Variants in SLC11A2 observed in about 807,000 individuals in gnomAD.
The protein encoded by SLC11A2 is natural resistance-associated macrophage protein 2.
In SLC11A2, 38 loss-of-function variants were observed where a neutral mutation model predicts 68.0. The observed-to-expected ratio is 0.56, with a 90% CI of 0.43 to 0.73. The LOEUF is 0.73. Among genes scored for constraint, SLC11A2 ranks in the 30% least tolerant of loss-of-function variants. The pLI, the probability that SLC11A2 is intolerant of heterozygous loss-of-function variation, is 0.00. For synonymous variants in SLC11A2, 242 were observed against 250.6 expected, an observed-to-expected ratio of 0.97 and a Z score of 0.32; for missense variants, 517 against 690.5, an observed-to-expected ratio of 0.75 and a Z score of 2.82.
At chr12:51,016,703 C>T (rs11169672) in intron 1 of SLC11A2, among the ~76,000 whole-genome samples, 21,299 of 146,068 alleles carry the variant, frequency 0.15, 1,834 homozygotes, top group South Asian at 0.28. Flanking sequence ...AAAAGTTAGC[C>T]GGGTGTGGTG....
At position 50,988,281 on chromosome 12, in the gene SLC11A2, C is replaced by T. The variant is rs1940796182; in HGVS notation, c.*44G>A. 2 of 1,613,372 alleles carry T rather than the reference C, an allele frequency of 1.2e-6. No individual in the cohort carries two copies. The highest frequency in any genetic ancestry group is 1.7e-5 in the Admixed American group (1 of 59,928). On this transcript the variant is annotated 3_prime_UTR_variant, in exon 16 of 16. Transcript: ENST00000262052. ...GTTCACACAGTAAACCATAGAAACA[C>T]ACTGGCTCTGATGGCTACCTGCAGA...
At chr12:50,979,013 A>G (rs559131519), downstream of SLC11A2, among the ~76,000 whole-genome samples, 2 of 152,298 alleles carry the variant, frequency 1.3e-5, no homozygotes, top group African/African-American at 2.4e-5. Flanking sequence ...CTGTGTATAC[A>G]TTGTCAGAGC....
At chr12:50,953,849 A>G in the SLC11A2 span, 2 of 554,002 alleles carry the variant, frequency 3.6e-6, no homozygotes, top group East Asian at 2.9e-5. Context: ...GTGTGAAGGA[A>G]AGACAATTGT....
intron 2 of SLC11A2, chr12:51,009,339 C>T: frequency 2.4e-6 from 3 of 1,229,542 alleles, no homozygotes; most frequent in Non-Finnish European, 3.1e-6. Context: ...TCAGCGTTTC[C>T]CTGAGTTCTG....
chr12:50,963,010 T>C, the SLC11A2 span, among the ~76,000 whole-genome samples: 3 of 132,792 alleles, frequency 2.3e-5, no homozygotes, highest in African/African-American at 9.3e-5. Flanking sequence ...CTTATATAAT[T>C]ATGAGGCTCT....
the SLC11A2 span, among the ~76,000 whole-genome samples, chr12:50,958,162 G>C: frequency 2.0e-5 from 3 of 151,850 alleles, no homozygotes; most frequent in South Asian, 6.2e-4. Flanking sequence ...TTCTCCCCAA[G>C]TTTATCTACA....
At chr12:50,961,955 T>C in the SLC11A2 span, among the ~76,000 whole-genome samples, 1 of 152,164 alleles carries the variant, frequency 6.6e-6, no homozygotes, top group Non-Finnish European at 1.5e-5. Flanking sequence ...TCAGCAAACA[T>C]TGATTGAATG....
downstream of SLC11A2, among the ~76,000 whole-genome samples, chr12:50,977,790 A>G (rs1939868537): frequency 6.6e-6 from 1 of 152,230 alleles, no homozygotes; most frequent in Admixed American, 6.5e-5. Flanking sequence ...GAACTCAAAC[A>G]ATTTCACAAG....
At chr12:50,960,030 A>G in the SLC11A2 span, among the ~76,000 whole-genome samples, 1 of 152,126 alleles carries the variant, frequency 6.6e-6, no homozygotes, top group African/African-American at 2.4e-5. Context: ...AATCTTTCCT[A>G]TTTAGTTGAT....
intron 2 of SLC11A2, among the ~76,000 whole-genome samples, chr12:51,010,483 A>G (rs1313012551): frequency 6.9e-6 from 1 of 144,572 alleles, no homozygotes; most frequent in Non-Finnish European, 1.5e-5. Context: ...GTGCCACTGC[A>G]CTCCAACCTG....
chr12:51,019,793 G>A (rs1371103756), intron 1 of SLC11A2, among the ~76,000 whole-genome samples: 1 of 150,628 alleles, frequency 6.6e-6, no homozygotes, highest in Non-Finnish European at 1.5e-5. Flanking sequence ...GACTAGAGGC[G>A]TGTGCCATGC....
chr12:51,002,181 C>T (rs1407684265), intron 5 of SLC11A2, among the ~76,000 whole-genome samples: 1 of 152,054 alleles, frequency 6.6e-6, no homozygotes, highest in Non-Finnish European at 1.5e-5. Context: ...AACCCTGTCT[C>T]TACAAAAAAT....
the SLC11A2 span, among the ~76,000 whole-genome samples, chr12:50,959,908 C>T: frequency 7.9e-5 from 12 of 152,338 alleles, no homozygotes; most frequent in South Asian, 2.5e-3. Flanking sequence ...CCTCAACCTC[C>T]CAAAGTGCTG....
upstream of SLC11A2, chr12:51,028,117 G>C (rs897319277): frequency 7.4e-6 from 8 of 1,087,642 alleles, no homozygotes; most frequent in Non-Finnish European, 1.1e-5. Context: ...AAAATTGCTA[G>C]AGCTGTACTT....
In SLC11A2 at chr12:50,986,654, G is replaced by A. The variant is rs773539780; in HGVS notation, c.*1671C>T. 2.7e-5 allele frequency: 35 copies of A among 1,286,602 alleles called. 1 individual carries two copies. The highest frequency in any genetic ancestry group is 3.2e-4 in the Middle Eastern group (1 of 3,082). 79.7% of individuals were successfully genotyped at this position (1,286,602 alleles called of 1,614,324 possible). ...TGTCAGTCCCCAATATCTTCACAGAGTGCCTTTATGACCAGTTTGGAGAAT... is the reference window on the plus strand; with the variant it reads ...TGTCAGTCCCCAATATCTTCACAGAATGCCTTTATGACCAGTTTGGAGAAT... On this transcript the variant is annotated 3_prime_UTR_variant, in exon 16 of 16. Coordinates refer to ENST00000262052, the MANE Select transcript of SLC11A2 (RefSeq NM_000617.3).
At chr12:50,962,776 G>A in the SLC11A2 span, among the ~76,000 whole-genome samples, 2 of 152,120 alleles carry the variant, frequency 1.3e-5, no homozygotes, top group Non-Finnish European at 2.9e-5. Context: ...GGAGGCCAGA[G>A]GAGGCTTCTT....
Position 50,991,630 on chromosome 12 carries a change from G to A in SLC11A2, c.1390C>T (p.Arg464Trp), listed in dbSNP as rs775534857. The change falls in exon 14 of 16, where the codon CGG becomes TGG. Residue 464 changes from arginine (R) to tryptophan (W), a missense_variant. Arg to Trp is a moderately radical substitution (Grantham distance 101, BLOSUM62 -3). Transcript: ENST00000262052. ...LIPILTFTSL[R>W]PVMSDFANGL... ...TTGGCAAAGTCACTCATTACTGGCC[G>A]CAAGCTCGTAAATGTGAGGATGGGT... 5.6e-6 allele frequency: 9 copies of A among 1,613,706 alleles called. No homozygotes were observed. The highest frequency in any genetic ancestry group is 2.2e-5 in the South Asian group (2 of 90,982).
At position 50,987,051 on chromosome 12, in the gene SLC11A2, AC is replaced by A; in HGVS notation, c.*1273del. ...AAGTGATTTGATTTGAGATAATCAC[AC>A]AATCTCAGGCTCGGTATGTAAAAAT... On this transcript the variant is annotated 3_prime_UTR_variant, in exon 16 of 16. Coordinates refer to ENST00000262052, the MANE Select transcript of SLC11A2 (RefSeq NM_000617.3). 7.8e-7 allele frequency: 1 copy of A among 1,286,640 alleles called. No individual in the cohort carries two copies. The highest frequency in any genetic ancestry group is 1.0e-6 in the Non-Finnish European group (1 of 988,474). The allele number at this position is 1,286,640 out of a possible 1,614,324, so 79.7% of individuals were successfully genotyped here. A position where few individuals can be genotyped will look rare whatever the true frequency, so the allele number is the denominator to read the frequency against.
chr12:51,001,572 A>C (rs566320178), intron 5 of SLC11A2, among the ~76,000 whole-genome samples: 9 of 145,362 alleles, frequency 6.2e-5, no homozygotes, highest in African/African-American at 2.3e-4. Context: ...CGTTCTTAAT[A>C]AACTTGCTTT....
Sources: allele counts gnomAD v4.1 joint callset (sites outside exome capture counted in the v4.1 genomes callset), GRCh38; gene constraint gnomAD v4.1.1; transcripts MANE v1.5; gene names NCBI Gene and HGNC (gene_info 2026-07-23, HGNC 2026-07-21).